Variants in CAMTA1 observed in about 807,000 individuals in gnomAD.
CAMTA1 encodes calmodulin-binding transcription activator 1.
CAMTA1 carries 27 observed loss-of-function variants against 170.9 expected under a neutral mutation model. The ratio of observed to expected loss-of-function variants is 0.16; its 90% confidence interval spans 0.12 to 0.22. CAMTA1 has a LOEUF of 0.22. Among genes scored for constraint, CAMTA1 ranks in the 10% least tolerant of loss-of-function variants. CAMTA1 has a pLI of 1.00. For synonymous variants in CAMTA1, 833 were observed against 891.5 expected, an observed-to-expected ratio of 0.93 and a Z score of 1.17; for missense variants, 1,619 against 2,217.2, an observed-to-expected ratio of 0.73 and a Z score of 5.42.
chr1:6,930,073 T>C (rs1371723865), intron 3 of CAMTA1, among the ~76,000 whole-genome samples: 2 of 152,168 alleles, frequency 1.3e-5, no homozygotes, highest in African/African-American at 4.8e-5. Flanking sequence ...ATGCTGTGGC[T>C]GGACACTGTG....
chr1:7,740,476 ATATC>A (rs139286685), intron 16 of CAMTA1, among the ~76,000 whole-genome samples: 4,440 of 152,340 alleles, frequency 0.029, 69 homozygotes, highest in Middle Eastern at 0.037. Flanking sequence ...ATAAACATAA[ATATC>A]TAGGAATAAG....
intron 4 of CAMTA1, among the ~76,000 whole-genome samples, chr1:7,158,350 G>T (rs1294428014): frequency 6.6e-6 from 1 of 152,212 alleles, no homozygotes; most frequent in Non-Finnish European, 1.5e-5. Flanking sequence ...TGTTGTGGGT[G>T]ATGGTGTCTG....
intron 5 of CAMTA1, among the ~76,000 whole-genome samples, chr1:7,281,862 A>G (rs75341258): frequency 0.016 from 2,383 of 149,964 alleles, 28 homozygotes; most frequent in Non-Finnish European, 0.027. Flanking sequence ...ATGAGTCTAA[A>G]TCCAAATTTC....
At chr1:7,053,415 C>T (rs760740192) in intron 3 of CAMTA1, among the ~76,000 whole-genome samples, 53 of 152,240 alleles carry the variant, frequency 3.5e-4, no homozygotes, top group Non-Finnish European at 5.9e-4. Context: ...TCTCTGGTCT[C>T]CTGCATCACT....
chr1:7,663,912 G>C lies in CAMTA1; in HGVS notation c.1365G>C (p.Met455Ile). 1 of 1,613,876 alleles carries C rather than the reference G, an allele frequency of 6.2e-7. No homozygotes were observed. The highest frequency in any genetic ancestry group is 8.5e-7 in the Non-Finnish European group (1 of 1,180,030). ...PTTGSSESLS[M>I]LPTNVSEELV... ...CGGGCAGCTCGGAGAGCCTGTCCAT[G>C]CTGCCCACCAACGTGTCCGAAGAGC... is the stretch of plus-strand genomic sequence containing the variant. The change falls in exon 9 of 23, where the codon ATG becomes ATC. Residue 455 changes from methionine (M) to isoleucine (I), a missense_variant. Coordinates refer to ENST00000303635, the MANE Select transcript of CAMTA1 (RefSeq NM_015215.4).
In CAMTA1 at chr1:7,746,096, A is replaced by T; in HGVS notation, c.4617+5A>T. 3 of 1,612,714 alleles carry T rather than the reference A, an allele frequency of 1.9e-6. No individual in the cohort carries two copies. Among genetic ancestry groups the T allele is most frequent in the Non-Finnish European group, 2.5e-6 (3 of 1,178,688 alleles). On this transcript the variant is annotated splice_donor_5th_base_variant and intron_variant, in intron 18 of 22. Coordinates refer to ENST00000303635, the MANE Select transcript of CAMTA1 (RefSeq NM_015215.4). ...ACAGCTTTCCGGAAATACAAGGTAA[A>T]CTAGAACAGAACCTTCGTTTTGTGA...
chr1:7,231,441 C>T (rs1291461056), intron 4 of CAMTA1, among the ~76,000 whole-genome samples: 6 of 152,150 alleles, frequency 3.9e-5, no homozygotes, highest in Admixed American at 1.3e-4. Context: ...GATCTCGTCT[C>T]GGCTCACTGC....
At chr1:7,610,841 C>A (rs2095518847) in intron 6 of CAMTA1, among the ~76,000 whole-genome samples, 2 of 152,236 alleles carry the variant, frequency 1.3e-5, no homozygotes, top group African/African-American at 4.8e-5. Context: ...GAGTGGAGGT[C>A]AAATAGCGCC....
chr1:6,884,472 T>C (rs1672604394), intron 3 of CAMTA1, among the ~76,000 whole-genome samples: 1 of 152,194 alleles, frequency 6.6e-6, no homozygotes, highest in African/African-American at 2.4e-5. Flanking sequence ...CTCAGCAGCA[T>C]ACATGTTACT....
chr1:7,085,780 G>C (rs1187301826), intron 3 of CAMTA1, among the ~76,000 whole-genome samples: 2 of 152,232 alleles, frequency 1.3e-5, no homozygotes, highest in Non-Finnish European at 2.9e-5. Context: ...CTCCCAGCTG[G>C]CTGGCTCCTG....
Position 7,663,807 on chromosome 1 carries a change from C to G in CAMTA1, c.1260C>G (p.His420Gln), listed in dbSNP as rs900592990. 8 of 1,614,090 alleles carry G rather than the reference C, an allele frequency of 5.0e-6. No homozygotes were observed. The highest frequency in any genetic ancestry group is 1.3e-5 in the African/African-American group (1 of 74,936). The change falls in exon 9 of 23, where the codon CAC becomes CAG. Residue 420 changes from histidine to glutamine, a missense_variant. His to Gln is a conservative substitution (Grantham distance 24). Coordinates refer to ENST00000303635, the MANE Select transcript of CAMTA1 (RefSeq NM_015215.4). ...TGTCCCCCACCGCTGGCCCCAACCA[C>G]CACCTCCTCTCACCTGACGCCTCTC... ...YTMSPTAGPNHHLLSPDASQG... is the reference protein window; with the variant it reads ...YTMSPTAGPNQHLLSPDASQG...
chr1:7,679,575 G>GC (rs377170123), intron 11 of CAMTA1, among the ~76,000 whole-genome samples: 9,250 of 103,458 alleles, frequency 0.089, 565 homozygotes, highest in Non-Finnish European at 0.13. Flanking sequence ...CTCCCTAGCT[G>GC]CCCCCCCCCC....
chr1:7,249,408 C>A lies in CAMTA1; in HGVS notation c.303-83C>A. ...GTGGAATATTGCTTTTCTGTAGAGACTTTTACTGGTCGATGATATCTTTCT... is the reference window on the plus strand; with the variant it reads ...GTGGAATATTGCTTTTCTGTAGAGAATTTTACTGGTCGATGATATCTTTCT... On this transcript the variant is annotated intron_variant, in intron 4 of 22. Coordinates refer to ENST00000303635, the MANE Select transcript of CAMTA1 (RefSeq NM_015215.4). This position sits in a 1 kb window ranked among gnomAD's most constrained non-coding sequence, Gnocchi z 4.4. 7.6e-7 allele frequency: 1 copy of A among 1,319,944 alleles called. No homozygotes were observed. 81.8% of individuals were successfully genotyped at this position (1,319,944 alleles called of 1,614,324 possible). A position where few individuals can be genotyped will look rare whatever the true frequency, so the allele number is the denominator to read the frequency against.
At chr1:7,425,010 A>G (rs1004617336) in intron 5 of CAMTA1, among the ~76,000 whole-genome samples, 1 of 152,188 alleles carries the variant, frequency 6.6e-6, no homozygotes, top group East Asian at 1.9e-4. Context: ...GGCTCGGGGA[A>G]TCCAATCTGT....
intron 5 of CAMTA1, among the ~76,000 whole-genome samples, chr1:7,464,914 C>A (rs6692613): frequency 6.6e-6 from 1 of 151,514 alleles, no homozygotes; most frequent in Non-Finnish European, 1.5e-5. Flanking sequence ...CTCCACCTCT[C>A]GCCGAGGCCC....
intron 11 of CAMTA1, among the ~76,000 whole-genome samples, chr1:7,712,236 A>G (rs2096576184): frequency 6.6e-6 from 1 of 152,208 alleles, no homozygotes; most frequent in African/African-American, 2.4e-5. Context: ...AATACAGTCT[A>G]GTTCTCTAAT....
In CAMTA1 at chr1:7,113,404, C is replaced by T. The variant is rs1410292482; in HGVS notation, c.302+22033C>T. Among the ~76,000 whole-genome samples, 2 of 152,150 alleles carry T rather than the reference C, an allele frequency of 1.3e-5. No individual in the cohort carries two copies. Among genetic ancestry groups the T allele is most frequent in the African/African-American group, 4.8e-5 (2 of 41,426 alleles). ...CTCAGGTGGAGAAGCCAGATGCGGCCCCCTTGGAGAGGGGTCATCTTTACT... is the reference window on the plus strand; with the variant it reads ...CTCAGGTGGAGAAGCCAGATGCGGCTCCCTTGGAGAGGGGTCATCTTTACT... On this transcript the variant is annotated intron_variant, in intron 4 of 22. Coordinates refer to ENST00000303635, the MANE Select transcript of CAMTA1 (RefSeq NM_015215.4). The surrounding 1 kb of genome is among the most constrained non-coding windows in gnomAD (Gnocchi z 4.5).
rs1285619889 is a variant in CAMTA1 at position 7,293,276 on chromosome 1, G to A, written c.438+43650G>A. On this transcript the variant is annotated intron_variant, in intron 5 of 22. Transcript: ENST00000303635. The surrounding 1 kb of genome is among the most constrained non-coding windows in gnomAD (Gnocchi z 4.1). ...CCGCCACTCGTCTCCAGGAGCTCCC[G>A]CCAGAGGCCTGCTGTGACAAGGGAT... Among the ~76,000 whole-genome samples, 1 of 152,156 alleles carries A rather than the reference G, an allele frequency of 6.6e-6. No individual in the cohort carries two copies. The highest frequency in any genetic ancestry group is 1.5e-5 in the Non-Finnish European group (1 of 68,022).
rs573474048 is a variant in CAMTA1, at chr1:7,056,555, G to T, written c.235-34749G>T. On this transcript the variant is annotated intron_variant, in intron 3 of 22. Coordinates refer to ENST00000303635, the MANE Select transcript of CAMTA1 (RefSeq NM_015215.4). Reference sequence around the variant, plus strand: ...AGAATGCCAGCTGTGAGGATTCATTGATGGATGAATTTAACCCATGTTTAT... The same window carrying T: ...AGAATGCCAGCTGTGAGGATTCATTTATGGATGAATTTAACCCATGTTTAT... Among the ~76,000 whole-genome samples the T allele has an allele frequency of 1.7e-3, 253 of 152,312 alleles. 1 individual carries two copies. The highest frequency in any genetic ancestry group is 5.4e-3 in the African/African-American group (223 of 41,574).
Sources: allele counts gnomAD v4.1 joint callset (sites outside exome capture counted in the v4.1 genomes callset), GRCh38; gene constraint gnomAD v4.1.1; non-coding constraint Gnocchi (gnomAD v3.1); transcripts MANE v1.5; gene names NCBI Gene and HGNC (gene_info 2026-07-23, HGNC 2026-07-21).